JAKMIP1: variants seen among roughly 807,000 people sequenced by gnomAD.
The protein encoded by JAKMIP1 is janus kinase and microtubule-interacting protein 1.
JAKMIP1 carries 33 observed loss-of-function variants against 113.0 expected under a neutral mutation model. That is an observed-to-expected ratio of 0.29 (90% CI 0.22 to 0.39). The LOEUF (loss-of-function observed/expected upper bound fraction) is 0.39. Ranked by LOEUF, JAKMIP1 falls within the 10% of genes least tolerant of loss-of-function variation. The pLI, the probability that JAKMIP1 is intolerant of heterozygous loss-of-function variation, is 1.00. For synonymous variants in JAKMIP1, 480 were observed against 459.9 expected, an observed-to-expected ratio of 1.04 and a Z score of -0.56; for missense variants, 813 against 1,080.5, an observed-to-expected ratio of 0.75 and a Z score of 3.47.
rs555861132 is a variant in JAKMIP1 at position 6,183,615 on chromosome 4, G to A, written c.-148+16638C>T. On this transcript the variant is annotated intron_variant, in intron 1 of 20. Coordinates refer to ENST00000409021, the MANE Select transcript of JAKMIP1 (RefSeq NM_001099433.2). This position sits in a 1 kb window ranked among gnomAD's most constrained non-coding sequence, Gnocchi z 5.3. ...TCCTGGTGCTCCTTGAAGATGTTTG[G>A]GAGGGCCAGGAGTCAAAGGTCTGGA... is the stretch of plus-strand genomic sequence containing the variant. Among the ~76,000 whole-genome samples, 157 of 152,156 alleles carry A rather than the reference G, an allele frequency of 1.0e-3. No homozygotes were observed. The highest frequency in any genetic ancestry group is 2.4e-3 in the African/African-American group (101 of 41,522).
chr4:6,164,529 T>C lies in JAKMIP1; in HGVS notation c.-148+35724A>G, dbSNP rs568168611. On this transcript the variant is annotated intron_variant, in intron 1 of 20. Transcript: ENST00000409021. ...TCAAGAAATAATTTTGATGTTTAAGTAGTATTATTTAAGAAATATATTTTG... is the reference window on the plus strand; with the variant it reads ...TCAAGAAATAATTTTGATGTTTAAGCAGTATTATTTAAGAAATATATTTTG... 5.3e-5 allele frequency among the ~76,000 whole-genome samples: 8 copies of C among 152,340 alleles called. No homozygotes were observed. The South Asian group carries it at 1.7e-3, about 32-fold the overall frequency.
chr4:6,089,205 T>A lies in JAKMIP1; in HGVS notation c.625-3576A>T, dbSNP rs1426089742. On this transcript the variant is annotated intron_variant, in intron 3 of 20. Coordinates refer to ENST00000409021, the MANE Select transcript of JAKMIP1 (RefSeq NM_001099433.2). The surrounding 1 kb of genome is among the most constrained non-coding windows in gnomAD (Gnocchi z 5.3). ...GGAGGCAGAGCAGAGCCCAAGAACC[T>A]GGGATCCTGGATGACATCGTTAGTG... 1.3e-5 allele frequency among the ~76,000 whole-genome samples: 2 copies of A among 152,176 alleles called. No individual in the cohort carries two copies. The highest frequency in any genetic ancestry group is 2.9e-5 in the Non-Finnish European group (2 of 68,042).
chr4:6,107,909 G>A (rs145759167), intron 2 of JAKMIP1, among the ~76,000 whole-genome samples: 2 of 152,294 alleles, frequency 1.3e-5, no homozygotes, highest in African/African-American at 4.8e-5. Context: ...TGAGGTGACT[G>A]TGGGTGGGTG....
intron 10 of JAKMIP1, 118 bp downstream of exon 10, chr4:6,062,194 C>T (rs1217504050): frequency 1.8e-6 from 2 of 1,116,388 alleles, no homozygotes; most frequent in Non-Finnish European, 2.7e-6. Context: ...ATGGGTTCCC[C>T]ACCACCTCTC....
chr4:6,110,107 G>A (rs1273566898), intron 2 of JAKMIP1, among the ~76,000 whole-genome samples: 3 of 152,124 alleles, frequency 2.0e-5, no homozygotes, highest in Non-Finnish European at 4.4e-5. Flanking sequence ...TCGTGTGTGG[G>A]GCTAAACTGT....
rs59248046 is a variant in JAKMIP1 at position 6,038,287 on chromosome 4, G to A, written c.2176-2180C>T. Among the ~76,000 whole-genome samples the A allele has an allele frequency of 3.2e-3, 337 of 106,508 alleles. 2 individuals are homozygous for A. The highest frequency in any genetic ancestry group is 0.011 in the African/African-American group (256 of 23,054). The allele number at this position is 106,508 out of a possible 152,430, so 69.9% of individuals were successfully genotyped here. The stretch of plus-strand genomic sequence containing the variant: ...TCCAACACCGAGGCAGAGGCTAACC[G>A]GTATCCCTCCATCACCGAGGCAGAG... On this transcript the variant is annotated intron_variant, in intron 18 of 20. Coordinates refer to ENST00000409021, the MANE Select transcript of JAKMIP1 (RefSeq NM_001099433.2).
Position 6,139,171 on chromosome 4 carries a change from T to G in JAKMIP1, c.-147-26174A>C, listed in dbSNP as rs1270014297. 2.0e-5 allele frequency among the ~76,000 whole-genome samples: 3 copies of G among 151,560 alleles called. No individual in the cohort carries two copies. The highest frequency in any genetic ancestry group is 4.4e-5 in the Non-Finnish European group (3 of 67,950). On this transcript the variant is annotated intron_variant, in intron 1 of 20. Transcript: ENST00000409021. This position sits in a 1 kb window ranked among gnomAD's most constrained non-coding sequence, Gnocchi z 5.2. ...CTGAGCCCCACTTTCCCCCTGAATTTTAACCTGCTTTGGGAGGGTTCCCAT... is the reference window on the plus strand; with the variant it reads ...CTGAGCCCCACTTTCCCCCTGAATTGTAACCTGCTTTGGGAGGGTTCCCAT...
At chr4:6,098,540 G>GAGAGAA (rs1560179777) in intron 3 of JAKMIP1, among the ~76,000 whole-genome samples, 2 of 31,388 alleles carry the variant, frequency 6.4e-5, no homozygotes, top group African/African-American at 1.9e-4. Context: ...GAGAGAGAGA[G>GAGAGAA]AAAGAAAAAG....
At chr4:6,073,309 C>A (rs1719244633) in intron 8 of JAKMIP1, among the ~76,000 whole-genome samples, 1 of 152,112 alleles carries the variant, frequency 6.6e-6, no homozygotes, top group Admixed American at 6.5e-5. Flanking sequence ...GAGCCACTGA[C>A]AAAAATGGCC....
In JAKMIP1 at chr4:6,179,922, G is replaced by A. The variant is rs1468747585; in HGVS notation, c.-148+20331C>T. ...TCAGGACTTGAACCCAGGTCTCTCT[G>A]AATCTAAGACCAGTTCCCAGCTGCC... On this transcript the variant is annotated intron_variant, in intron 1 of 20. Transcript: ENST00000409021. This position sits in a 1 kb window ranked among gnomAD's most constrained non-coding sequence, Gnocchi z 4.5. Among the ~76,000 whole-genome samples the A allele has an allele frequency of 1.3e-5, 2 of 152,192 alleles. No homozygotes were observed. Among genetic ancestry groups the A allele is most frequent in the East Asian group, 3.8e-4 (2 of 5,200 alleles).
rs1417830867 is a variant in JAKMIP1 at position 6,167,860 on chromosome 4, C to A, written c.-148+32393G>T. Among the ~76,000 whole-genome samples, 1 of 152,226 alleles carries A rather than the reference C, an allele frequency of 6.6e-6. No individual in the cohort carries two copies. The highest frequency in any genetic ancestry group is 2.4e-5 in the African/African-American group (1 of 41,464). On this transcript the variant is annotated intron_variant, in intron 1 of 20. Coordinates refer to ENST00000409021, the MANE Select transcript of JAKMIP1 (RefSeq NM_001099433.2). The surrounding 1 kb of genome is among the most constrained non-coding windows in gnomAD (Gnocchi z 5.3). ...GTGCACTGAATGCTTCGGTTTAGAGCATGCCAGAAATCAGAGCTGGCTAGG... is the reference window on the plus strand; with the variant it reads ...GTGCACTGAATGCTTCGGTTTAGAGAATGCCAGAAATCAGAGCTGGCTAGG...
Position 6,088,411 on chromosome 4 carries a change from G to A in JAKMIP1, c.625-2782C>T, listed in dbSNP as rs968237749. On this transcript the variant is annotated intron_variant, in intron 3 of 20. Coordinates refer to ENST00000409021, the MANE Select transcript of JAKMIP1 (RefSeq NM_001099433.2). This position sits in a 1 kb window ranked among gnomAD's most constrained non-coding sequence, Gnocchi z 5.5. Reference sequence around the variant, plus strand: ...GTATCAGCTTTGCAGTGAAGCCCCCGCCACTGCCTTCCACTAGCTCCCCAC... The same window carrying A: ...GTATCAGCTTTGCAGTGAAGCCCCCACCACTGCCTTCCACTAGCTCCCCAC... 5.9e-5 allele frequency among the ~76,000 whole-genome samples: 9 copies of A among 152,090 alleles called. No individual in the cohort carries two copies. Among genetic ancestry groups the A allele is most frequent in the African/African-American group, 1.9e-4 (8 of 41,418 alleles).
At position 6,116,929 on chromosome 4, in the gene JAKMIP1, C is replaced by T. The variant is rs1715877075; in HGVS notation, c.-147-3932G>A. Reference sequence around the variant, plus strand: ...ACTGCCAGACCACGTGGGGGTTCTACACCAAGCACAGAGTCAAGACCAGCT... The same window carrying T: ...ACTGCCAGACCACGTGGGGGTTCTATACCAAGCACAGAGTCAAGACCAGCT... On this transcript the variant is annotated intron_variant, in intron 1 of 20. Transcript: ENST00000409021. This position sits in a 1 kb window ranked among gnomAD's most constrained non-coding sequence, Gnocchi z 5.1. 6.6e-6 allele frequency among the ~76,000 whole-genome samples: 1 copy of T among 152,234 alleles called. No individual in the cohort carries two copies. The highest frequency in any genetic ancestry group is 2.4e-5 in the African/African-American group (1 of 41,452).
At chr4:6,070,383 G>A (rs1560139347) in intron 8 of JAKMIP1, among the ~76,000 whole-genome samples, 2 of 152,216 alleles carry the variant, frequency 1.3e-5, no homozygotes, top group South Asian at 2.1e-4. Flanking sequence ...GCCAGAAGAC[G>A]CACCTTCAGT....
chr4:6,099,460 G>A (rs1321248567), intron 3 of JAKMIP1, among the ~76,000 whole-genome samples: 2 of 152,234 alleles, frequency 1.3e-5, no homozygotes, highest in South Asian at 2.1e-4. Flanking sequence ...CAAGACTGAA[G>A]GACTGTGCGA....
rs1429176315 is a variant in JAKMIP1, at chr4:6,199,556, C to T, written c.-148+697G>A. On this transcript the variant is annotated intron_variant, in intron 1 of 20. Coordinates refer to ENST00000409021, the MANE Select transcript of JAKMIP1 (RefSeq NM_001099433.2). This position sits in a 1 kb window ranked among gnomAD's most constrained non-coding sequence, Gnocchi z 5.6. ...GCGCCATCTCCGGAGGCCAGTGCGC[C>T]CAGGGCGCGCCGGCCCGGCAGGAGG... 6.6e-6 allele frequency among the ~76,000 whole-genome samples: 1 copy of T among 152,106 alleles called. No homozygotes were observed. Among genetic ancestry groups the T allele is most frequent in the African/African-American group, 2.4e-5 (1 of 41,456 alleles).
chr4:6,114,315 A>G (rs772735091), intron 1 of JAKMIP1, among the ~76,000 whole-genome samples: 1 of 152,190 alleles, frequency 6.6e-6, no homozygotes, highest in Non-Finnish European at 1.5e-5. Context: ...AGAAGAAGGA[A>G]GACTCCAACA....
At chr4:6,043,214 C>T (rs1269060329) in intron 16 of JAKMIP1, among the ~76,000 whole-genome samples, 1 of 151,990 alleles carries the variant, frequency 6.6e-6, no homozygotes, top group Non-Finnish European at 1.5e-5. Flanking sequence ...CCCCAGGCCC[C>T]GCTGTAGAGT....
At chr4:6,166,210 A>G (rs1643486821) in intron 1 of JAKMIP1, among the ~76,000 whole-genome samples, 1 of 152,232 alleles carries the variant, frequency 6.6e-6, no homozygotes, top group African/African-American at 2.4e-5. Flanking sequence ...AGCCCATGAC[A>G]GATACGACAT....
Sources: allele counts gnomAD v4.1 joint callset (sites outside exome capture counted in the v4.1 genomes callset), GRCh38; gene constraint gnomAD v4.1.1; non-coding constraint Gnocchi (gnomAD v3.1); transcripts MANE v1.5; gene names NCBI Gene and HGNC (gene_info 2026-07-23, HGNC 2026-07-21).